Variants in PPARGC1A observed in about 807,000 individuals in gnomAD.
PPARGC1A encodes the protein peroxisome proliferator-activated receptor gamma coactivator 1-alpha.
PPARGC1A carries 25 observed loss-of-function variants against 88.7 expected under a neutral mutation model. That is an observed-to-expected ratio of 0.28 (90% CI 0.21 to 0.39). The LOEUF is 0.39. Among genes scored for constraint, PPARGC1A ranks in the 10% least tolerant of loss-of-function variants. The pLI, the probability that PPARGC1A is intolerant of heterozygous loss-of-function variation, is 1.00. For missense variants in PPARGC1A, 880 were observed against 968.7 expected (o/e 0.91, Z 1.22); for synonymous variants, 363 against 355.6 (o/e 1.02, Z -0.24).
chr4:23,828,878 G>A (rs1290228104), intron 4 of PPARGC1A, among the ~76,000 whole-genome samples: 2 of 152,044 alleles, frequency 1.3e-5, no homozygotes, highest in Non-Finnish European at 2.9e-5. Context: ...CGCCTTTATT[G>A]TGAATAAAAA....
the PPARGC1A span, among the ~76,000 whole-genome samples, chr4:24,036,389 G>T: frequency 6.6e-6 from 1 of 152,006 alleles, no homozygotes; most frequent in Non-Finnish European, 1.5e-5. Flanking sequence ...TGCACTCCTG[G>T]GTTTATATCC....
the PPARGC1A span, among the ~76,000 whole-genome samples, chr4:24,175,368 T>C: frequency 1.4e-5 from 2 of 147,674 alleles, no homozygotes; most frequent in East Asian, 4.1e-4. Flanking sequence ...TTTTTTCTCT[T>C]TGTTTCGTTT....
chr4:24,344,601 G>GGT, the PPARGC1A span, among the ~76,000 whole-genome samples: 9 of 97,616 alleles, frequency 9.2e-5, no homozygotes, highest in South Asian at 1.1e-3. Flanking sequence ...GGGATTGTTT[G>GGT]TTTTTTTTTT....
chr4:24,002,568 C>G, the PPARGC1A span, among the ~76,000 whole-genome samples: 2 of 151,144 alleles, frequency 1.3e-5, no homozygotes, highest in South Asian at 4.2e-4. Context: ...CTGGCATAAT[C>G]CCAGCGTTAA....
chr4:23,978,416 T>C, the PPARGC1A span, among the ~76,000 whole-genome samples: 2 of 152,190 alleles, frequency 1.3e-5, no homozygotes, highest in African/African-American at 4.8e-5. Flanking sequence ...AAAATGTCAT[T>C]CTTTATACAC....
At chr4:23,874,257 A>T (rs1230355177) in intron 2 of PPARGC1A, among the ~76,000 whole-genome samples, 3 of 152,222 alleles carry the variant, frequency 2.0e-5, no homozygotes, top group Non-Finnish European at 4.4e-5. Context: ...TAACTCCAGA[A>T]GTGGCAATTT....
chr4:23,961,533 A>C, the PPARGC1A span, among the ~76,000 whole-genome samples: 1 of 152,134 alleles, frequency 6.6e-6, no homozygotes, highest in Non-Finnish European at 1.5e-5. Context: ...GCATGAATCC[A>C]TTTCCCAGAG....
chr4:24,231,609 C>T, the PPARGC1A span, among the ~76,000 whole-genome samples: 1 of 152,172 alleles, frequency 6.6e-6, no homozygotes, highest in African/African-American at 2.4e-5. Flanking sequence ...ATTAGCTGCC[C>T]AGCTGCAGTT....
the PPARGC1A span, among the ~76,000 whole-genome samples, chr4:24,289,266 T>C: frequency 2.8e-5 from 4 of 143,944 alleles, no homozygotes; most frequent in South Asian, 9.0e-4. Context: ...GAAGAAAAAG[T>C]TAGCTGTTCA....
the PPARGC1A span, among the ~76,000 whole-genome samples, chr4:24,307,405 T>C: frequency 6.6e-6 from 1 of 152,228 alleles, no homozygotes; most frequent in Non-Finnish European, 1.5e-5. Context: ...ATATTACTAT[T>C]ATAAAGAGAA....
the PPARGC1A span, among the ~76,000 whole-genome samples, chr4:24,081,842 C>T: frequency 3.3e-5 from 5 of 151,842 alleles, no homozygotes. Context: ...GTGTTTCTGA[C>T]CTAGGTTTTA....
At chr4:23,933,854 G>C in the PPARGC1A span, among the ~76,000 whole-genome samples, 1 of 152,166 alleles carries the variant, frequency 6.6e-6, no homozygotes, top group Admixed American at 6.5e-5. Context: ...AAAGCAACTC[G>C]GTCTTTGGTT....
At chr4:24,337,492 C>T in the PPARGC1A span, among the ~76,000 whole-genome samples, 12 of 152,044 alleles carry the variant, frequency 7.9e-5, no homozygotes, top group Non-Finnish European at 1.8e-4. Flanking sequence ...TCTGGTGGGG[C>T]GACCAGAGCT....
intron 1 of PPARGC1A, chr4:23,899,132 C>A (rs1446837852): frequency 6.6e-6 from 1 of 152,208 alleles, no homozygotes; most frequent in Non-Finnish European, 1.5e-5. Flanking sequence ...CAGGTGTGAG[C>A]CACCGCGCCT....
intron 5 of PPARGC1A, among the ~76,000 whole-genome samples, chr4:23,826,864 GA>G (rs918674721): frequency 1.5e-4 from 22 of 145,988 alleles, no homozygotes; most frequent in African/African-American, 3.0e-4. Context: ...TTTACTAAAA[GA>G]AAAAAAAAAC....
chr4:24,263,994 G>A, the PPARGC1A span, among the ~76,000 whole-genome samples: 101 of 152,058 alleles, frequency 6.6e-4, no homozygotes, highest in South Asian at 6.9e-3. Context: ...CAAGTGATCC[G>A]CTTGCCTCAG....
the PPARGC1A span, among the ~76,000 whole-genome samples, chr4:24,273,761 A>G: frequency 1.5e-4 from 19 of 126,426 alleles, no homozygotes; most frequent in East Asian, 4.4e-3. Context: ...ACAGAGTTTC[A>G]CTCTTGTTGC....
At chr4:24,019,107 C>T in the PPARGC1A span, among the ~76,000 whole-genome samples, 43 of 152,184 alleles carry the variant, frequency 2.8e-4, no homozygotes, top group South Asian at 3.5e-3. Flanking sequence ...TTCTTAATAG[C>T]CAAATAACAC....
the PPARGC1A span, among the ~76,000 whole-genome samples, chr4:24,255,142 G>A: frequency 6.6e-6 from 1 of 152,114 alleles, no homozygotes; most frequent in African/African-American, 2.4e-5. Flanking sequence ...TACATTTAAA[G>A]AGCAGTTGTA....
Sources: allele counts gnomAD v4.1 joint callset (sites outside exome capture counted in the v4.1 genomes callset), GRCh38; gene constraint gnomAD v4.1.1; transcripts MANE v1.5; gene names NCBI Gene and HGNC (gene_info 2026-07-23, HGNC 2026-07-21).